Variants in TMEM182 observed in about 807,000 individuals in gnomAD.
TMEM182 encodes the protein transmembrane protein 182.
TMEM182 carries 20 observed loss-of-function variants against 26.8 expected under a neutral mutation model. That is an observed-to-expected ratio of 0.75 (90% CI 0.53 to 1.09). The LOEUF is 1.09. TMEM182 is among the 50% of genes least tolerant of loss of function. The pLI is 0.00. For synonymous variants in TMEM182, 109 were observed against 102.2 expected, an observed-to-expected ratio of 1.07 and a Z score of -0.40; for missense variants, 277 against 275.5, an observed-to-expected ratio of 1.01 and a Z score of -0.04.
chr2:102,807,032 A>G (rs1260355141), intron 4 of TMEM182, among the ~76,000 whole-genome samples: 1 of 152,220 alleles, frequency 6.6e-6, no homozygotes. Context: ...GAAATAGGTA[A>G]ACCCCCATGG....
At chr2:102,748,851 T>A (rs1408083226) in intron 1 of TMEM182, among the ~76,000 whole-genome samples, 3 of 152,192 alleles carry the variant, frequency 2.0e-5, no homozygotes, top group Admixed American at 2.0e-4. Context: ...TTAAGATTGA[T>A]CTTAAATTAT....
At chr2:102,814,335 ATTT>A (rs1682662619) in intron 4 of TMEM182, among the ~76,000 whole-genome samples, 1 of 152,118 alleles carries the variant, frequency 6.6e-6, no homozygotes, top group Non-Finnish European at 1.5e-5. Flanking sequence ...AAGTGTACCT[ATTT>A]CAATGTTTAT....
At chr2:102,839,447 C>CTATATATATA (rs10691405) in intron 3 of TMEM182, among the ~76,000 whole-genome samples, 8,757 of 133,996 alleles carry the variant, frequency 0.065, 323 homozygotes, top group Middle Eastern at 0.1. Context: ...TGATGTTTTG[C>CTATATATATA]TATATATATA....
chr2:102,759,869 C>T (rs1680154867), upstream of TMEM182, among the ~76,000 whole-genome samples: 1 of 152,174 alleles, frequency 6.6e-6, no homozygotes, highest in Non-Finnish European at 1.5e-5. Context: ...AACTGTCTGA[C>T]CCTTTTGCTG....
Position 102,815,498 on chromosome 2 carries a change from A to G in TMEM182, c.*530A>G. 1.0e-6 allele frequency: 1 copy of G among 986,770 alleles called. No homozygotes were observed. The highest frequency in any genetic ancestry group is 4.7e-5 in the South Asian group (1 of 21,354). The allele number at this position is 986,770 out of a possible 1,614,324, so 61.1% of individuals were successfully genotyped here. On this transcript the variant is annotated 3_prime_UTR_variant, in exon 5 of 5. Coordinates refer to ENST00000412401, the MANE Select transcript of TMEM182 (RefSeq NM_144632.5). ...GCAGTTGTTCTAATTAGTGGGAGCC[A>G]TGTACTCACCAGTTAAAATGGGCCA...
intron 1 of TMEM182, 91 bp from the exon 2 acceptor site, chr2:102,762,496 A>G: frequency 6.5e-7 from 1 of 1,531,794 alleles, no homozygotes; most frequent in Non-Finnish European, 8.9e-7. Context: ...TATTTGGGAT[A>G]AAATACATGT....
At position 102,762,611 on chromosome 2, in the gene TMEM182, G is replaced by A; in HGVS notation, c.157G>A (p.Glu53Lys). ...GATAGAGAACGTCACTTTTCACCAT[G>A]AAGGGTTCTTCTGGAGGTGTTGGTT... ...KNIENVTFHH[E>K]GFFWRCWFNG... Residue 53 changes from glutamate (E) to lysine (K), a missense_variant, in exon 2 of 5, where the codon GAA (glutamate) becomes AAA (lysine). Coordinates refer to ENST00000412401, the MANE Select transcript of TMEM182 (RefSeq NM_144632.5). 6.2e-7 allele frequency: 1 copy of A among 1,613,932 alleles called. No individual in the cohort carries two copies. Among genetic ancestry groups the A allele is most frequent in the Non-Finnish European group, 8.5e-7 (1 of 1,179,906 alleles).
chr2:102,817,031 TTTATAG>T lies in TMEM182; in HGVS notation c.*2066_*2071del. Reference sequence around the variant, plus strand: ...ACACAGATTTGCACTTTGGAACTATTTTATAGTTGTAATGCATCAATCAAATACATT... The same window carrying T: ...ACACAGATTTGCACTTTGGAACTATTTTGTAATGCATCAATCAAATACATT... On this transcript the variant is annotated 3_prime_UTR_variant, in exon 5 of 5. Transcript: ENST00000412401. 1 of 985,688 alleles carries T rather than the reference TTTATAG, an allele frequency of 1.0e-6. No homozygotes were observed. Among genetic ancestry groups the T allele is most frequent in the Non-Finnish European group, 1.2e-6 (1 of 829,894 alleles). 61.1% of individuals were successfully genotyped at this position (985,688 alleles called of 1,614,324 possible).
intron 3 of TMEM182, among the ~76,000 whole-genome samples, chr2:102,771,966 C>T (rs1680693707): frequency 6.6e-6 from 1 of 152,216 alleles, no homozygotes; most frequent in Admixed American, 6.5e-5. Flanking sequence ...ATGAAAATCA[C>T]TGAGGCCATC....
chr2:102,766,030 T>C (rs976485593), intron 3 of TMEM182, among the ~76,000 whole-genome samples: 1 of 152,186 alleles, frequency 6.6e-6, no homozygotes, highest in Non-Finnish European at 1.5e-5. Context: ...ACATTCTTAC[T>C]TTTATAAAAT....
chr2:102,793,432 G>A (rs1681732911), intron 3 of TMEM182, among the ~76,000 whole-genome samples: 1 of 152,120 alleles, frequency 6.6e-6, no homozygotes, highest in Non-Finnish European at 1.5e-5. Flanking sequence ...TGCACTCTAA[G>A]CTATCATTTA....
intron 3 of TMEM182, among the ~76,000 whole-genome samples, chr2:102,777,407 C>G (rs1197323818): frequency 6.6e-6 from 1 of 152,080 alleles, no homozygotes; most frequent in Non-Finnish European, 1.5e-5. Flanking sequence ...ACGACTTTCT[C>G]CATTGAATTT....
Position 102,762,212 on chromosome 2 carries a change from T to C in TMEM182, c.-6T>C, listed in dbSNP as rs1348185291. The C allele has an allele frequency of 3.1e-6, 5 of 1,610,972 alleles. No homozygotes were observed. Among genetic ancestry groups the C allele is most frequent in the Non-Finnish European group, 4.2e-6 (5 of 1,178,218 alleles). ...TTTTATTTAAAAGGAAACCAGTGAA[T>C]TGAAAATGAGACTAAATATCGCTAT... On this transcript the variant is annotated 5_prime_UTR_variant, in exon 1 of 5. Transcript: ENST00000412401.
chr2:102,773,905 CAAAAT>C (rs373922854), intron 3 of TMEM182, among the ~76,000 whole-genome samples: 33 of 151,976 alleles, frequency 2.2e-4, no homozygotes, highest in African/African-American at 8.0e-4. Context: ...AAAAACAAAA[CAAAAT>C]AAAACACCAA....
chr2:102,839,619 C>A (rs971737094), intron 3 of TMEM182, among the ~76,000 whole-genome samples: 1 of 151,956 alleles, frequency 6.6e-6, no homozygotes, highest in African/African-American at 2.4e-5. Flanking sequence ...AGCATAAAAA[C>A]AAGAGTGTAG....
At position 102,832,399 on chromosome 2, in the gene TMEM182, G is replaced by A. The variant is rs557936653; in HGVS notation, c.326-11013G>A. ...AAGACCTCACTCAGCTTAATAAGGT[G>A]CAGTGCCTTGAGTATCATTCTTTGA... On this transcript the variant is annotated intron_variant, in intron 3 of 3. Transcript: ENST00000486293. Among the ~76,000 whole-genome samples, 46 of 152,284 alleles carry A rather than the reference G, an allele frequency of 3.0e-4. No individual in the cohort carries two copies. In the South Asian group the frequency reaches 6.8e-3, roughly 23 times the overall value.
chr2:102,818,117 A>G (rs895515458), downstream of TMEM182, among the ~76,000 whole-genome samples: 1 of 152,238 alleles, frequency 6.6e-6, no homozygotes, highest in African/African-American at 2.4e-5. Context: ...TACATTGAAG[A>G]AAATATAAGA....
At chr2:102,756,452 A>G (rs1680035261) in intron 1 of TMEM182, among the ~76,000 whole-genome samples, 1 of 152,150 alleles carries the variant, frequency 6.6e-6, no homozygotes, top group Non-Finnish European at 1.5e-5. Context: ...TCACGCCTGT[A>G]ATCCCAGCAC....
intron 3 of TMEM182, among the ~76,000 whole-genome samples, chr2:102,774,451 G>A (rs1680824925): frequency 6.6e-6 from 1 of 150,646 alleles, no homozygotes; most frequent in African/African-American, 2.4e-5. Context: ...TTTCAGTAGA[G>A]ATGGGGTTTC....
Sources: gnomAD v4.1 joint callset for allele counts (sites outside exome capture counted in the v4.1 genomes callset) on GRCh38, gnomAD v4.1.1 for gene constraint, MANE v1.5 for transcripts, NCBI Gene and HGNC (gene_info 2026-07-23, HGNC 2026-07-21) for gene names.